SMCHD1: variants seen among roughly 807,000 people sequenced by gnomAD.
SMCHD1 encodes structural maintenance of chromosomes flexible hinge domain containing 1, also known as structural maintenance of chromosomes flexible hinge domain-containing protein 1.
A neutral mutation model predicts 254.7 loss-of-function variants in SMCHD1; 78 were observed. The observed-to-expected ratio is 0.31, with a 90% CI of 0.26 to 0.37. The LOEUF (loss-of-function observed/expected upper bound fraction) is 0.37, where lower values mean the gene tolerates loss of function less well. SMCHD1 is among the 10% of genes least tolerant of loss of function. SMCHD1 has a pLI of 1.00. For synonymous variants in SMCHD1, 766 were observed against 794.9 expected (o/e 0.96, Z 0.61); for missense variants, 1,840 against 2,408.1 (o/e 0.76, Z 4.94).
Position 2,790,830 on chromosome 18 carries a change from T to A in SMCHD1, c.5720-5119T>A, listed in dbSNP as rs561117203. Among the ~76,000 whole-genome samples the A allele has an allele frequency of 1.9e-3, 284 of 152,296 alleles. 2 individuals are homozygous for A. The highest frequency in any genetic ancestry group is 6.4e-3 in the African/African-American group (267 of 41,562). On this transcript the variant is annotated intron_variant, in intron 45 of 47. Transcript: ENST00000320876. ...TGTCCCTAGCATAAAGAAAAAATATTAAGATGAGGGATATCCCAATTATCT... is the reference window on the plus strand; with the variant it reads ...TGTCCCTAGCATAAAGAAAAAATATAAAGATGAGGGATATCCCAATTATCT...
chr18:2,772,607 T>C (rs987662185), intron 41 of SMCHD1, among the ~76,000 whole-genome samples: 3 of 152,214 alleles, frequency 2.0e-5, no homozygotes, highest in Non-Finnish European at 4.4e-5. Flanking sequence ...TCAAGGCTTG[T>C]TGTTTACTTA....
intron 45 of SMCHD1, among the ~76,000 whole-genome samples, chr18:2,785,175 G>T (rs2076218778): frequency 6.6e-6 from 1 of 152,050 alleles, no homozygotes. Context: ...GCTCTGAAGT[G>T]CATATACTTA....
chr18:2,686,732 G>A (rs1015527417), intron 5 of SMCHD1, among the ~76,000 whole-genome samples: 1 of 152,076 alleles, frequency 6.6e-6, no homozygotes, highest in African/African-American at 2.4e-5. Context: ...GTGGGGATGT[G>A]ATTGTAGATG....
intron 42 of SMCHD1, among the ~76,000 whole-genome samples, chr18:2,776,996 T>G (rs1391694800): frequency 6.6e-6 from 1 of 151,836 alleles, no homozygotes; most frequent in Admixed American, 6.6e-5. Flanking sequence ...CTCAAACTTG[T>G]GGGCTCAAGT....
intron 3 of SMCHD1, among the ~76,000 whole-genome samples, chr18:2,669,670 G>C (rs2073541870): frequency 6.6e-6 from 1 of 152,138 alleles, no homozygotes; most frequent in Non-Finnish European, 1.5e-5. Flanking sequence ...GGTAGGAAAT[G>C]GTCATTTTTA....
intron 8 of SMCHD1, among the ~76,000 whole-genome samples, chr18:2,696,264 C>T (rs528001102): frequency 2.0e-4 from 30 of 152,182 alleles, no homozygotes; most frequent in African/African-American, 6.7e-4. Context: ...AACAGGGGTC[C>T]CCAACGCCCC....
chr18:2,667,744 T>A (rs1294056191), intron 3 of SMCHD1, among the ~76,000 whole-genome samples: 1 of 152,228 alleles, frequency 6.6e-6, no homozygotes, highest in Non-Finnish European at 1.5e-5. Flanking sequence ...TATTATTTGA[T>A]TTTTAATGGT....
rs141700662 is a variant in SMCHD1, at chr18:2,657,724, C to T, written c.186+1463C>T. Reference sequence around the variant, plus strand: ...TAATAGTGTCAGAAGTTTCTTTAAACGTAGGTCTTCAAATCAAAATTTGAA... The same window carrying T: ...TAATAGTGTCAGAAGTTTCTTTAAATGTAGGTCTTCAAATCAAAATTTGAA... On this transcript the variant is annotated intron_variant, in intron 1 of 47. Coordinates refer to ENST00000320876, the MANE Select transcript of SMCHD1 (RefSeq NM_015295.3). Among the ~76,000 whole-genome samples, 933 of 152,200 alleles carry T rather than the reference C, an allele frequency of 6.1e-3. 10 individuals are homozygous for T. The highest frequency in any genetic ancestry group is 0.021 in the African/African-American group (887 of 41,514).
chr18:2,683,949 G>A (rs2073984279), intron 5 of SMCHD1, among the ~76,000 whole-genome samples: 1 of 151,554 alleles, frequency 6.6e-6, no homozygotes, highest in Admixed American at 6.6e-5. Flanking sequence ...ACATATAGTT[G>A]GTTCATGTTT....
At chr18:2,761,192 G>A (rs1351071941) in intron 35 of SMCHD1, among the ~76,000 whole-genome samples, 1 of 152,166 alleles carries the variant, frequency 6.6e-6, no homozygotes, top group African/African-American at 2.4e-5. Context: ...GTTCTCCCTT[G>A]CAAGTGGGAG....
In SMCHD1 at chr18:2,677,495, C is replaced by G. The variant is rs190300115; in HGVS notation, c.638+3350C>G. 4.1e-3 allele frequency among the ~76,000 whole-genome samples: 631 copies of G among 152,226 alleles called. 4 individuals are homozygous for G. Among genetic ancestry groups the G allele is most frequent in the African/African-American group, 0.015 (610 of 41,528 alleles). Reference sequence around the variant, plus strand: ...ATTCACAGTATTAAAGCATACTGTTCAGTAGTTTGAGTTAAAATTGTGCAA... The same window carrying G: ...ATTCACAGTATTAAAGCATACTGTTGAGTAGTTTGAGTTAAAATTGTGCAA... On this transcript the variant is annotated intron_variant, in intron 5 of 47. Transcript: ENST00000320876.
At chr18:2,759,472 T>G (rs946983006) in intron 34 of SMCHD1, among the ~76,000 whole-genome samples, 1 of 140,486 alleles carries the variant, frequency 7.1e-6, no homozygotes. Context: ...GCTTGTTAAC[T>G]CTAACATTTT....
At chr18:2,766,883 G>A (rs2075877745) in intron 37 of SMCHD1, among the ~76,000 whole-genome samples, 1 of 152,104 alleles carries the variant, frequency 6.6e-6, no homozygotes, top group African/African-American at 2.4e-5. Flanking sequence ...ATGCATCAGG[G>A]ATTAAAAACT....
Position 2,796,388 on chromosome 18 carries a change from A to G in SMCHD1, c.5879-19A>G, listed in dbSNP as rs753040799. 25 of 1,434,598 alleles carry G rather than the reference A, an allele frequency of 1.7e-5. No homozygotes were observed. The highest frequency in any genetic ancestry group is 1.7e-4 in the Middle Eastern group (1 of 5,730). 88.9% of individuals were successfully genotyped at this position (1,434,598 alleles called of 1,614,324 possible). ...GTTTTTATTGTAAATTTAACTTTCT[A>G]CATTTTCCATCTTCACAGGTATGAC... On this transcript the variant is annotated intron_variant, in intron 46 of 47. Coordinates refer to ENST00000320876, the MANE Select transcript of SMCHD1 (RefSeq NM_015295.3).
chr18:2,769,079 G>GA (rs1259747247), intron 37 of SMCHD1, among the ~76,000 whole-genome samples: 54 of 152,148 alleles, frequency 3.5e-4, no homozygotes, highest in Non-Finnish European at 2.9e-5. Context: ...AGAACTGTGT[G>GA]AAAAAATCAT....
Position 2,705,664 on chromosome 18 carries a change from CT to C in SMCHD1, c.1843-17del, listed in dbSNP as rs377473058. 79,944 of 834,988 alleles carry C rather than the reference CT, an allele frequency of 0.096. 2 individuals are homozygous for C. The highest frequency in any genetic ancestry group is 0.13 in the South Asian group (5,581 of 43,946). 51.7% of individuals were successfully genotyped at this position (834,988 alleles called of 1,614,324 possible). On this transcript the variant is annotated intron_variant, in intron 13 of 47. Transcript: ENST00000320876. ...CTCTTCGTAAATCTTAATACTGAAG[CT>C]TTTTTTTTTTTTAAAAACTAAATAT...
intron 44 of SMCHD1, among the ~76,000 whole-genome samples, chr18:2,783,340 A>G (rs1166216599): frequency 6.6e-6 from 1 of 152,206 alleles, no homozygotes; most frequent in Non-Finnish European, 1.5e-5. Flanking sequence ...GTCCCAGGGC[A>G]TATCAGTACA....
rs772491920 is a variant in SMCHD1, at chr18:2,732,341, T to A, written c.3125T>A (p.Phe1042Tyr). 1.4e-5 allele frequency: 22 copies of A among 1,613,742 alleles called. No individual in the cohort carries two copies. The highest frequency in any genetic ancestry group is 4.0e-5 in the African/African-American group (3 of 74,926). ...PSSHVARLQI[F>Y]SVEGQKAIQI... ...AGCCATGTTGCAAGACTACAAATAT[T>A]CAGTGTAGAAGGACAAAAGGCAATT... Residue 1042 changes from phenylalanine to tyrosine, a missense_variant, in exon 25 of 48, where the codon TTC (phenylalanine) becomes TAC (tyrosine). By Grantham distance (22) the Phe-to-Tyr change is conservative (BLOSUM62 3). Transcript: ENST00000320876.
At chr18:2,677,658 G>T (rs144556392) in intron 5 of SMCHD1, among the ~76,000 whole-genome samples, 3 of 152,044 alleles carry the variant, frequency 2.0e-5, no homozygotes, top group African/African-American at 7.3e-5. Context: ...GACAAATCTC[G>T]CTCTGTCGTT....
Sources: allele counts gnomAD v4.1 joint callset (sites outside exome capture counted in the v4.1 genomes callset), GRCh38; gene constraint gnomAD v4.1.1; transcripts MANE v1.5; gene names NCBI Gene and HGNC (gene_info 2026-07-23, HGNC 2026-07-21).